ZMYM4: variants seen among roughly 807,000 people sequenced by gnomAD.
The protein encoded by ZMYM4 is zinc finger MYM-type protein 4.
In ZMYM4, 31 loss-of-function variants were observed where a neutral mutation model predicts 183.2. The ratio of observed to expected loss-of-function variants is 0.17; its 90% CI spans 0.13 to 0.23. ZMYM4 has a LOEUF of 0.23. Ranked by LOEUF, ZMYM4 falls within the 10% of genes least tolerant of loss-of-function variation. The probability of loss-of-function intolerance (pLI) is 1.00; values close to 1 mark genes in which losing one functional copy is unlikely to be tolerated. For synonymous variants in ZMYM4, 592 were observed against 631.2 expected (o/e 0.94, Z 0.93); for missense variants, 1,273 against 1,840.3 (o/e 0.69, Z 5.64).
At chr1:35,307,542 A>T (rs542619) in intron 1 of ZMYM4, among the ~76,000 whole-genome samples, 130,825 of 136,150 alleles carry the variant, frequency 0.96, 62,863 homozygotes, top group East Asian at 0.98. Context: ...TATTATTATT[A>T]TTTTTTTTTT....
chr1:35,355,813 C>G (rs533754472), intron 2 of ZMYM4, among the ~76,000 whole-genome samples: 11 of 152,244 alleles, frequency 7.2e-5, no homozygotes, highest in African/African-American at 2.6e-4. Context: ...TTTAATATTA[C>G]TGTTTTATTT....
intron 7 of ZMYM4, among the ~76,000 whole-genome samples, chr1:35,371,106 TGC>T (rs71062875): frequency 0.32 from 31,012 of 96,936 alleles, 3,803 homozygotes; most frequent in Middle Eastern, 0.38. Context: ...TGTGTGTGTG[TGC>T]GCACATTTAT....
At chr1:35,285,781 T>C (rs766880038) in intron 1 of ZMYM4, among the ~76,000 whole-genome samples, 3 of 152,226 alleles carry the variant, frequency 2.0e-5, no homozygotes, top group Non-Finnish European at 2.9e-5. Context: ...CCCCCACAGA[T>C]ACTGAGGAAT....
At chr1:35,330,232 G>A (rs1013750634) in intron 2 of ZMYM4, among the ~76,000 whole-genome samples, 2 of 151,598 alleles carry the variant, frequency 1.3e-5, no homozygotes, top group African/African-American at 4.8e-5. Flanking sequence ...AAGGAAGGAA[G>A]GGAAGAAGGG....
intron 26 of ZMYM4, among the ~76,000 whole-genome samples, chr1:35,412,272 T>G (rs1385335598): frequency 2.0e-5 from 3 of 152,164 alleles, no homozygotes; most frequent in Non-Finnish European, 4.4e-5. Context: ...TTGGCTGGAT[T>G]CACTTATTAG....
Position 35,315,209 on chromosome 1 carries a change from T to C in ZMYM4, c.40-10151T>C, listed in dbSNP as rs546488964. On this transcript the variant is annotated intron_variant, in intron 1 of 29. Coordinates refer to ENST00000314607, the MANE Select transcript of ZMYM4 (RefSeq NM_005095.3). The stretch of plus-strand genomic sequence containing the variant: ...CAAGTTTTTTCATTAAAATATATAA[T>C]GTAAATTTAACACTCAAAAGATACG... 8.1e-4 allele frequency among the ~76,000 whole-genome samples: 123 copies of C among 152,136 alleles called. No homozygotes were observed. The South Asian group carries it at 0.024, about 30-fold the overall frequency.
intron 15 of ZMYM4, among the ~76,000 whole-genome samples, chr1:35,390,604 G>A (rs1644683944): frequency 6.6e-6 from 1 of 152,186 alleles, no homozygotes; most frequent in Non-Finnish European, 1.5e-5. Flanking sequence ...CCGGCCATCT[G>A]GATGTGTACC....
intron 26 of ZMYM4, among the ~76,000 whole-genome samples, chr1:35,410,562 C>T (rs916998786): frequency 1.3e-5 from 2 of 151,942 alleles, no homozygotes; most frequent in Non-Finnish European, 2.9e-5. Flanking sequence ...CATCTGGGCT[C>T]ACTGCAAGCT....
At chr1:35,417,068 C>T (rs1640144488) in intron 28 of ZMYM4, among the ~76,000 whole-genome samples, 1 of 151,948 alleles carries the variant, frequency 6.6e-6, no homozygotes, top group East Asian at 1.9e-4. Context: ...AAGTCCTATA[C>T]CGGTTGTTAA....
chr1:35,364,607 A>G (rs948682077), intron 5 of ZMYM4, among the ~76,000 whole-genome samples: 1 of 152,144 alleles, frequency 6.6e-6, no homozygotes, highest in Non-Finnish European at 1.5e-5. Context: ...TAGTCTCAAA[A>G]AAGTACTATT....
At chr1:35,355,410 G>A (rs780526402) in intron 2 of ZMYM4, among the ~76,000 whole-genome samples, 1 of 151,766 alleles carries the variant, frequency 6.6e-6, no homozygotes, top group Non-Finnish European at 1.5e-5. Flanking sequence ...GTGATATCTC[G>A]TTTTATTAGT....
intron 9 of ZMYM4, among the ~76,000 whole-genome samples, chr1:35,385,147 A>G (rs147752013): frequency 1.3e-5 from 2 of 152,250 alleles, no homozygotes; most frequent in African/African-American, 2.4e-5. Context: ...GCCTGGCCGC[A>G]TTACTTTTTC....
chr1:35,386,717 GAATTT>G (rs1396457360), intron 11 of ZMYM4, among the ~76,000 whole-genome samples: 2 of 152,206 alleles, frequency 1.3e-5, no homozygotes, highest in Non-Finnish European at 2.9e-5. Context: ...TCTGTATTTG[GAATTT>G]AATTTAACTG....
chr1:35,390,621 T>C (rs554961205), intron 15 of ZMYM4, among the ~76,000 whole-genome samples: 1 of 152,292 alleles, frequency 6.6e-6, no homozygotes, highest in Admixed American at 6.5e-5. Flanking sequence ...TACCTGCAGG[T>C]CAGAGGGGAT....
chr1:35,294,928 C>T (rs1570277742), intron 1 of ZMYM4, among the ~76,000 whole-genome samples: 1 of 152,098 alleles, frequency 6.6e-6, no homozygotes, highest in African/African-American at 2.4e-5. Flanking sequence ...AATAGATAAC[C>T]ACTTGAGTCA....
chr1:35,375,672 T>C (rs1288825558), intron 7 of ZMYM4, among the ~76,000 whole-genome samples: 1 of 152,236 alleles, frequency 6.6e-6, no homozygotes, highest in African/African-American at 2.4e-5. Flanking sequence ...TTCTTAATTT[T>C]TGGTAATCAT....
intron 2 of ZMYM4, chr1:35,358,709 C>T: frequency 2.2e-6 from 1 of 459,772 alleles, no homozygotes; most frequent in Non-Finnish European, 3.8e-6. Context: ...CTTTTCTAAC[C>T]TAAAGTAGTT....
intron 3 of ZMYM4, among the ~76,000 whole-genome samples, chr1:35,360,932 G>A (rs1285225615): frequency 6.7e-6 from 1 of 148,626 alleles, no homozygotes; most frequent in Non-Finnish European, 1.5e-5. Flanking sequence ...GCAATTTTCA[G>A]AGCAAAAATA....
intron 29 of ZMYM4, among the ~76,000 whole-genome samples, chr1:35,419,118 C>G (rs1329039143): frequency 6.6e-6 from 1 of 152,068 alleles, no homozygotes; most frequent in Non-Finnish European, 1.5e-5. Context: ...TGTGAGTTGA[C>G]TTTTTTGTTG....
Sources: gnomAD v4.1 joint callset for allele counts (sites outside exome capture counted in the v4.1 genomes callset) on GRCh38, gnomAD v4.1.1 for gene constraint, MANE v1.5 for transcripts, NCBI Gene and HGNC (gene_info 2026-07-23, HGNC 2026-07-21) for gene names.